The following DIDO1 variants were observed in gnomAD, a reference collection of about 807,000 sequenced individuals.
The protein encoded by DIDO1 is death inducer-obliterator 1.
In DIDO1, 16 loss-of-function variants were observed where a neutral mutation model predicts 99.4. That is an observed-to-expected ratio of 0.16 (90% confidence interval 0.11 to 0.24). The LOEUF (loss-of-function observed/expected upper bound fraction) is 0.24, where lower values mean the gene tolerates loss of function less well. DIDO1 is among the 10% of genes least tolerant of loss of function. The pLI is 1.00. For missense variants in DIDO1, 2,996 were observed against 3,014.0 expected (o/e 0.99, Z 0.14); for synonymous variants, 1,366 against 1,239.1 (o/e 1.10, Z -2.15).
intron 1 of DIDO1, among the ~76,000 whole-genome samples, chr20:62,937,049 G>A (rs1888437084): frequency 6.6e-6 from 1 of 152,156 alleles, no homozygotes; most frequent in African/African-American, 2.4e-5. Flanking sequence ...CCTATTTGCC[G>A]AACTGGACTT....
At chr20:62,925,816 A>G (rs1489246982) in intron 1 of DIDO1, among the ~76,000 whole-genome samples, 1 of 152,104 alleles carries the variant, frequency 6.6e-6, no homozygotes. Flanking sequence ...CCAACGCAAC[A>G]AACTATTCCA....
intron 4 of DIDO1, 40 bp from the exon 5 acceptor site, chr20:62,907,399 C>T: frequency 6.3e-7 from 1 of 1,590,640 alleles, no homozygotes. Flanking sequence ...ATGTACTTGC[C>T]AATTTTAAGC....
chr20:62,905,503 C>T, intron 6 of DIDO1: 1 of 1,550,840 alleles, frequency 6.4e-7, no homozygotes, highest in Non-Finnish European at 8.7e-7. Context: ...GCGCTGTTGT[C>T]AGAACAACTC....
In DIDO1 at chr20:62,905,920, T is replaced by C. The variant is rs1227753901; in HGVS notation, c.1555A>G (p.Thr519Ala). ...HNYNAVKPEKTAAPSPSLLYK... is the reference protein window; with the variant it reads ...HNYNAVKPEKAAAPSPSLLYK... ...AACAGTGACGGCGAGGGAGCAGCAG[T>C]CTTTTCTGGCTTTACTGCATTGTAA... The change falls in exon 6 of 16, where the codon ACT becomes GCT. Residue 519 changes from threonine to alanine, a missense_variant. Coordinates refer to ENST00000395343, the MANE Select transcript of DIDO1 (RefSeq NM_001193369.2). 1.2e-6 allele frequency: 2 copies of C among 1,614,086 alleles called. No individual in the cohort carries two copies. Among genetic ancestry groups the C allele is most frequent in the Admixed American group, 3.3e-5 (2 of 60,022 alleles).
At chr20:62,892,737 C>A in intron 13 of DIDO1, 72 bp downstream of exon 13, 2 of 1,521,214 alleles carry the variant, frequency 1.3e-6, no homozygotes, top group South Asian at 1.3e-5. Flanking sequence ...GGGAGAAAGT[C>A]ATGTGTTTGA....
At chr20:62,925,640 C>G (rs528859788) in intron 1 of DIDO1, among the ~76,000 whole-genome samples, 2 of 152,340 alleles carry the variant, frequency 1.3e-5, no homozygotes, top group South Asian at 4.1e-4. Context: ...TTATTTAGAG[C>G]AGAAAAGCCG....
Position 62,910,903 on chromosome 20 carries a change from T to C in DIDO1, c.710A>G (p.Lys237Arg). ...SQAGKDDRESKLEGKAAQDIK... is the reference protein window; with the variant it reads ...SQAGKDDRESRLEGKAAQDIK... ...GTCCTGAGCCGCCTTTCCCTCCAACTTACTCTCTCTGTCATCTTTCCCAGC... is the reference window on the plus strand; with the variant it reads ...GTCCTGAGCCGCCTTTCCCTCCAACCTACTCTCTCTGTCATCTTTCCCAGC... Residue 237 changes from lysine to arginine, a missense_variant, in exon 3 of 16, where the codon AAG becomes AGG. Coordinates refer to ENST00000395343, the MANE Select transcript of DIDO1 (RefSeq NM_001193369.2). 1 of 1,614,172 alleles carries C rather than the reference T, an allele frequency of 6.2e-7. No individual in the cohort carries two copies. The highest frequency in any genetic ancestry group is 8.5e-7 in the Non-Finnish European group (1 of 1,180,028).
upstream of DIDO1, among the ~76,000 whole-genome samples, chr20:62,930,285 A>G (rs186894125): frequency 1.3e-5 from 2 of 152,290 alleles, no homozygotes; most frequent in East Asian, 3.9e-4. Context: ...ATCACTGAGT[A>G]ACAGCACTGC....
intron 15 of DIDO1, chr20:62,887,668 C>A (rs189842462): frequency 2.6e-5 from 26 of 985,244 alleles, no homozygotes; most frequent in Non-Finnish European, 3.1e-5. Context: ...ATCTTGGCTG[C>A]GGTCCAGTCC....
chr20:62,925,329 A>G (rs976843982), intron 1 of DIDO1, among the ~76,000 whole-genome samples: 1 of 152,248 alleles, frequency 6.6e-6, no homozygotes, highest in African/African-American at 2.4e-5. Flanking sequence ...TACTCCTTAA[A>G]AGGCACTGCT....
At chr20:62,922,171 C>G (rs558387505) in intron 1 of DIDO1, among the ~76,000 whole-genome samples, 163 of 149,788 alleles carry the variant, frequency 1.1e-3, no homozygotes, top group Middle Eastern at 3.5e-3. Context: ...ATGCCCGGCT[C>G]TTTTATATGT....
chr20:62,894,196 T>C lies in DIDO1; in HGVS notation c.2573-2A>G. 6.2e-7 allele frequency: 1 copy of C among 1,610,236 alleles called. No homozygotes were observed. On this transcript the variant is annotated splice_acceptor_variant, in intron 11 of 15. Transcript: ENST00000395343. LOFTEE classifies it high-confidence loss of function. This position sits in a 1 kb window ranked among gnomAD's most constrained non-coding sequence, Gnocchi z 4.4. ...CATCTTCTGCGGAGGGAACCTGGCC[T>C]GAAGAAGGCGAGGAAAGGCTCTGTG... is the stretch of plus-strand genomic sequence containing the variant.
intron 15 of DIDO1, chr20:62,887,918 C>G: frequency 1.0e-6 from 1 of 985,468 alleles, no homozygotes; most frequent in Non-Finnish European, 1.2e-6. Flanking sequence ...CACTGCGGGG[C>G]AGAGGGGCAG....
rs778948608 is a variant in DIDO1 at position 62,896,407 on chromosome 20, A to G, written c.2055-15T>C. ...TGTCATTGACTCTGAACAGAATAAA[A>G]AAAAGGAACTACATAAGACACTTGT... On this transcript the variant is annotated splice_polypyrimidine_tract_variant and intron_variant, in intron 7 of 15. Transcript: ENST00000395343. The surrounding 1 kb of genome is among the most constrained non-coding windows in gnomAD (Gnocchi z 4.4). The G allele has an allele frequency of 6.2e-7, 1 of 1,605,482 alleles. No homozygotes were observed. Among genetic ancestry groups the G allele is most frequent in the South Asian group, 1.1e-5 (1 of 89,560 alleles).
chr20:62,890,867 C>T (rs1184901397), intron 15 of DIDO1, 93 bp downstream of exon 15: 1 of 1,608,726 alleles, frequency 6.2e-7, no homozygotes, highest in Non-Finnish European at 8.5e-7. Flanking sequence ...CCCAGAGAGC[C>T]CTGGGCTGGT....
At chr20:62,921,857 C>A (rs1214547863) in intron 1 of DIDO1, among the ~76,000 whole-genome samples, 1 of 150,324 alleles carries the variant, frequency 6.7e-6, no homozygotes, top group Non-Finnish European at 1.5e-5. Flanking sequence ...ACTACATATA[C>A]CCGCTATATA....
intron 2 of DIDO1, among the ~76,000 whole-genome samples, chr20:62,912,695 CA>C (rs1233635807): frequency 6.6e-6 from 1 of 152,170 alleles, no homozygotes; most frequent in Non-Finnish European, 1.5e-5. Flanking sequence ...TGCCATGTTC[CA>C]TCCTGGGGGA....
rs1372863776 is a variant in DIDO1, at chr20:62,911,459, G to A, written c.154C>T (p.Pro52Ser). 5.6e-6 allele frequency: 9 copies of A among 1,612,046 alleles called. No individual in the cohort carries two copies. Among genetic ancestry groups the A allele is most frequent in the African/African-American group, 1.3e-5 (1 of 74,932 alleles). The change falls in exon 3 of 16, where the codon CCC becomes TCC. Residue 52 changes from proline (P) to serine (S), a missense_variant. By Grantham distance (74) the Pro-to-Ser change is moderately conservative. Transcript: ENST00000395343. This position sits in a 1 kb window ranked among gnomAD's most constrained non-coding sequence, Gnocchi z 7.0. ...DAEADPLEPP[P>S]PQQQLGLSLR... ...GACAGGCCCAGCTGCTGCTGTGGGG[G>A]TGGCGGCTCCAGTGGGTCAGCCTCC...
In DIDO1 at chr20:62,890,055, A is replaced by G. The variant is rs551304215; in HGVS notation, c.3541+905T>C. On this transcript the variant is annotated intron_variant, in intron 15 of 15. Coordinates refer to ENST00000395343, the MANE Select transcript of DIDO1 (RefSeq NM_001193369.2). ...GTGCGGCATGAGGGGTGTGGGTGGG[A>G]ACACCCTGCACAGCTATGGCAGGAA... 3 of 985,724 alleles carry G rather than the reference A, an allele frequency of 3.0e-6. No homozygotes were observed. In the East Asian group the frequency reaches 3.4e-4, roughly 112 times the overall value. The allele number at this position is 985,724 out of a possible 1,614,324, so 61.1% of individuals were successfully genotyped here.
Sources: gnomAD v4.1 joint callset for allele counts (sites outside exome capture counted in the v4.1 genomes callset) on GRCh38, gnomAD v4.1.1 for gene constraint, Gnocchi (gnomAD v3.1) non-coding constraint, MANE v1.5 for transcripts, NCBI Gene and HGNC (gene_info 2026-07-23, HGNC 2026-07-21) for gene names.